ZNF407: variants seen among roughly 807,000 people sequenced by gnomAD.
ZNF407 encodes zinc finger protein 407.
Under a neutral mutation model 131.2 loss-of-function variants are expected in ZNF407, and 17 were observed. The observed-to-expected ratio is 0.13, with a 90% CI of 0.09 to 0.19. ZNF407 has a LOEUF of 0.19. ZNF407 is among the 10% of genes least tolerant of loss of function. The pLI, the probability that ZNF407 is intolerant of heterozygous loss-of-function variation, is 1.00. For synonymous variants in ZNF407, 1,156 were observed against 1,062.0 expected (o/e 1.09, Z -1.72); for missense variants, 2,681 against 2,830.6 (o/e 0.95, Z 1.20).
At chr18:74,600,513 C>T (rs4892250) in intron 1 of ZNF407, among the ~76,000 whole-genome samples, 87,999 of 151,912 alleles carry the variant, frequency 0.58, 27,024 homozygotes, top group East Asian at 0.82. Context: ...CTTTATCCCT[C>T]GCAAAGACCC....
intron 1 of ZNF407, among the ~76,000 whole-genome samples, chr18:74,606,402 T>C (rs1982807880): frequency 6.6e-6 from 1 of 152,120 alleles, no homozygotes; most frequent in Non-Finnish European, 1.5e-5. Context: ...TATATATTTT[T>C]CAAAAAATAT....
In ZNF407 at chr18:74,632,757, C is replaced by T; in HGVS notation, c.1738C>T (p.Gln580Ter). ...RDLDEHLHSN[Q>*]HQQTASVLSC... is the part of the protein sequence containing the mutation. ...CTTAGATGAACATTTGCACAGTAACCAGCATCAGCAAACTGCTTCTGTCCT... is the reference window on the plus strand; with the variant it reads ...CTTAGATGAACATTTGCACAGTAACTAGCATCAGCAAACTGCTTCTGTCCT... Residue 580 changes from glutamine to a stop codon, truncating the protein, a stop_gained, in exon 2 of 9, where the codon CAG becomes TAG. Coordinates refer to ENST00000299687, the MANE Select transcript of ZNF407 (RefSeq NM_017757.3). LOFTEE classifies it high-confidence loss of function. The T allele has an allele frequency of 6.2e-7, 1 of 1,613,952 alleles. No individual in the cohort carries two copies. The highest frequency in any genetic ancestry group is 1.1e-5 in the South Asian group (1 of 91,078).
chr18:74,745,463 A>G (rs1201183922), intron 3 of ZNF407, among the ~76,000 whole-genome samples: 3 of 152,146 alleles, frequency 2.0e-5, no homozygotes, highest in African/African-American at 7.2e-5. Flanking sequence ...AGATGCTGTT[A>G]AAGCATAAAG....
chr18:74,984,162 C>T (rs1007096648), intron 8 of ZNF407, among the ~76,000 whole-genome samples: 2 of 152,194 alleles, frequency 1.3e-5, no homozygotes, highest in South Asian at 2.1e-4. Flanking sequence ...AGCTCTCGGA[C>T]TAGGGTTCTT....
chr18:74,783,398 T>G (rs1227671755), intron 4 of ZNF407, among the ~76,000 whole-genome samples: 2 of 152,172 alleles, frequency 1.3e-5, no homozygotes, highest in East Asian at 3.8e-4. Flanking sequence ...TACTTAGAAA[T>G]TTTTTTAAAA....
chr18:74,794,090 C>T (rs1969874980), intron 4 of ZNF407, among the ~76,000 whole-genome samples: 1 of 152,168 alleles, frequency 6.6e-6, no homozygotes, highest in African/African-American at 2.4e-5. Flanking sequence ...TCTCCGAAGC[C>T]TCTGGTGTTT....
chr18:74,811,135 G>T (rs1970188457), intron 4 of ZNF407, among the ~76,000 whole-genome samples: 1 of 151,846 alleles, frequency 6.6e-6, no homozygotes, highest in Non-Finnish European at 1.5e-5. Flanking sequence ...TCTGACAAAG[G>T]GCTAATATCC....
intron 3 of ZNF407, among the ~76,000 whole-genome samples, chr18:74,697,460 C>A (rs912165529): frequency 1.3e-5 from 2 of 151,930 alleles, no homozygotes; most frequent in African/African-American, 4.8e-5. Flanking sequence ...CATATTCAGG[C>A]CTTCAGTTTT....
rs1245239081 is a variant in ZNF407 at position 74,635,594 on chromosome 18, G to A, written c.4575G>A (p.Glu1525=). ...ATAAGTATATAGTGGAAGACACTGA[G>A]CAAATCAACCGCGAGAGGGAGGAAA... The part of the protein sequence containing the change: ...EVNKYIVEDT[E]QINREREENQ... The change falls in exon 2 of 9, where the codon GAG becomes GAA. Residue 1525 remains glutamate (E), a synonymous_variant. Coordinates refer to ENST00000299687, the MANE Select transcript of ZNF407 (RefSeq NM_017757.3). The surrounding 1 kb of genome is among the most constrained non-coding windows in gnomAD (Gnocchi z 4.7). The A allele has an allele frequency of 5.6e-6, 9 of 1,613,858 alleles. No homozygotes were observed. Among genetic ancestry groups the A allele is most frequent in the Middle Eastern group, 1.6e-4 (1 of 6,084 alleles).
In ZNF407 at chr18:74,879,498, TA is replaced by T. The variant is rs560693027; in HGVS notation, c.5045-1530del. ...TAACGAGCAAATTGTCTTGTGGGATTAAAAAAAATCTACTCTCAGTGTTATT... is the reference window on the plus strand; with the variant it reads ...TAACGAGCAAATTGTCTTGTGGGATTAAAAAAATCTACTCTCAGTGTTATT... On this transcript the variant is annotated intron_variant, in intron 5 of 8. Transcript: ENST00000299687. Among the ~76,000 whole-genome samples the T allele has an allele frequency of 3.2e-4, 48 of 152,118 alleles. No homozygotes were observed. In the South Asian group the frequency reaches 7.5e-3, roughly 24 times the overall value.
chr18:74,720,598 T>A (rs1968007329), intron 3 of ZNF407, among the ~76,000 whole-genome samples: 1 of 152,200 alleles, frequency 6.6e-6, no homozygotes, highest in Non-Finnish European at 1.5e-5. Flanking sequence ...GAAGCAGTTC[T>A]CCTATGTTTT....
At chr18:74,977,632 C>T (rs1325003355) in intron 8 of ZNF407, among the ~76,000 whole-genome samples, 3 of 152,236 alleles carry the variant, frequency 2.0e-5, no homozygotes, top group Non-Finnish European at 2.9e-5. Flanking sequence ...CACATCTTGG[C>T]AGGCTCCACA....
Position 75,063,298 on chromosome 18 carries a change from C to T in ZNF407, c.5577C>T (p.Pro1859=), listed in dbSNP as rs1167271560. Residue 1859 remains proline, a synonymous_variant, in exon 9 of 9, where the codon CCC becomes CCT. Coordinates refer to ENST00000299687, the MANE Select transcript of ZNF407 (RefSeq NM_017757.3). The surrounding 1 kb of genome is among the most constrained non-coding windows in gnomAD (Gnocchi z 6.6). ...PLRSSRRPAP[P]PEQVQQVIIF... is the part of the protein sequence containing the mutation. ...GAAGCAGCAGGAGGCCAGCGCCGCC[C>T]CCTGAGCAGGTGCAGCAGGTCATCA... 1.9e-6 allele frequency: 3 copies of T among 1,613,674 alleles called. 1 individual carries two copies. The East Asian group carries it at 6.7e-5, about 36-fold the overall frequency.
At chr18:74,668,009 G>A (rs971212433) in intron 3 of ZNF407, among the ~76,000 whole-genome samples, 19 of 152,084 alleles carry the variant, frequency 1.2e-4, no homozygotes, top group African/African-American at 4.6e-4. Context: ...CTTGCAGTTA[G>A]CATCTGTGTT....
At chr18:75,037,652 G>A (rs1373324611) in intron 8 of ZNF407, among the ~76,000 whole-genome samples, 1 of 152,120 alleles carries the variant, frequency 6.6e-6, no homozygotes, top group Non-Finnish European at 1.5e-5. Context: ...TTATTTTACA[G>A]TACACCAAGG....
intron 8 of ZNF407, among the ~76,000 whole-genome samples, chr18:75,005,457 T>C (rs994352084): frequency 1.1e-4 from 17 of 152,086 alleles, no homozygotes; most frequent in Non-Finnish European, 1.9e-4. Context: ...AATGCAGAGT[T>C]TTAGGGTTAT....
chr18:74,935,160 C>A, intron 8 of ZNF407, among the ~76,000 whole-genome samples: 1 of 152,302 alleles, frequency 6.6e-6, no homozygotes, highest in Admixed American at 6.5e-5. Flanking sequence ...TACAAAATGA[C>A]AGACATGAAA....
At chr18:74,950,497 C>A (rs1260552749) in intron 8 of ZNF407, among the ~76,000 whole-genome samples, 1 of 152,126 alleles carries the variant, frequency 6.6e-6, no homozygotes, top group Non-Finnish European at 1.5e-5. Context: ...TGAAAACTTA[C>A]AAGCAGGGCT....
At chr18:74,612,850 G>C (rs1244993883) in intron 1 of ZNF407, among the ~76,000 whole-genome samples, 1 of 152,202 alleles carries the variant, frequency 6.6e-6, no homozygotes, top group Non-Finnish European at 1.5e-5. Context: ...GTCAGAGGAA[G>C]AAGACAAGCT....
Sources: gnomAD v4.1 joint callset for allele counts (sites outside exome capture counted in the v4.1 genomes callset) on GRCh38, gnomAD v4.1.1 for gene constraint, Gnocchi (gnomAD v3.1) non-coding constraint, MANE v1.5 for transcripts, NCBI Gene and HGNC (gene_info 2026-07-23, HGNC 2026-07-21) for gene names.